MED16: variants seen among roughly 807,000 people sequenced by gnomAD.
The protein encoded by MED16 is mediator of RNA polymerase II transcription subunit 16.
In MED16, 81 loss-of-function variants were observed where a neutral mutation model predicts 84.4. That is an observed-to-expected ratio of 0.96 (90% confidence interval 0.80 to 1.15). The LOEUF (loss-of-function observed/expected upper bound fraction) is 1.15. MED16 is among the 50% of genes most tolerant of loss of function. The probability of loss-of-function intolerance (pLI) is 0.00; values close to 1 mark genes in which losing one functional copy is unlikely to be tolerated. For synonymous variants in MED16, 897 were observed against 552.2 expected, an observed-to-expected ratio of 1.62 and a Z score of -8.76; for missense variants, 1,585 against 1,245.9, an observed-to-expected ratio of 1.27 and a Z score of -4.10.
At chr19:871,524 C>G (rs1270503896) in intron 12 of MED16, 8 of 1,563,418 alleles carry the variant, frequency 5.1e-6, no homozygotes, top group Non-Finnish European at 5.2e-6. Context: ...TGTGCCTTTT[C>G]CAGACACTGG....
chr19:891,277 G>A, intron 1 of MED16, 128 bp from the exon 2 acceptor site: 1 of 917,652 alleles, frequency 1.1e-6, no homozygotes, highest in Non-Finnish European at 1.6e-6. Flanking sequence ...AAGGCCCGGA[G>A]GCCAGACAGA....
chr19:873,331 G>C, intron 11 of MED16, 118 bp downstream of exon 11: 1 of 321,826 alleles, frequency 3.1e-6, no homozygotes, highest in Non-Finnish European at 4.3e-6. Flanking sequence ...AAGTAGGGGC[G>C]GGACTCCAAC....
intron 14 of MED16, 79 bp downstream of exon 14, chr19:868,784 C>T (rs1174204610): frequency 2.7e-5 from 38 of 1,425,310 alleles, no homozygotes; most frequent in South Asian, 1.4e-4. Context: ...CCGTCTGGAG[C>T]GCTGGGTGGG....
intron 10 of MED16, among the ~76,000 whole-genome samples, chr19:875,025 G>A (rs879559716): frequency 4.8e-4 from 73 of 152,142 alleles, no homozygotes; most frequent in African/African-American, 1.7e-3. Flanking sequence ...TCAGCCGGGC[G>A]TGGTGGCACG....
At chr19:873,366 G>T in intron 11 of MED16, 83 bp downstream of exon 11, 1 of 1,430,120 alleles carries the variant, frequency 7.0e-7, no homozygotes, top group Non-Finnish European at 9.5e-7. Context: ...AGGTGGTTTT[G>T]AGGGGCAGGG....
At chr19:887,620 C>T (rs772577711) in intron 4 of MED16, among the ~76,000 whole-genome samples, 1 of 151,934 alleles carries the variant, frequency 6.6e-6, no homozygotes, top group Non-Finnish European at 1.5e-5. Flanking sequence ...GAGCCGAGAT[C>T]GCACCACTGC....
rs138267754 is a variant in MED16, at chr19:890,638, G to A, written c.169+325C>T. On this transcript the variant is annotated intron_variant, in intron 2 of 15. Coordinates refer to ENST00000325464, the MANE Select transcript of MED16 (RefSeq NM_005481.3). ...GAGAGAAGACGGGCACAGCCACCAC[G>A]CACCTTTCAAAAACCAGTGACACAC... Among the ~76,000 whole-genome samples, 32 of 152,296 alleles carry A rather than the reference G, an allele frequency of 2.1e-4. 1 individual carries two copies. In the East Asian group the frequency reaches 5.6e-3, roughly 27 times the overall value.
rs975686018 is a variant in MED16, at chr19:880,042, C to G, written c.1248G>C (p.Glu416Asp). ...CGGTGCGGGGGCGCTTCATGGCCGG[C>G]TCATCCACAGGCCTCGGGGCCGCGG... ...YSSAAPRPVD[E>D]PAMKRPRTAG... The change falls in exon 8 of 16, where the codon GAG becomes GAC. Residue 416 changes from glutamate (E) to aspartate (D), a missense_variant. Transcript: ENST00000325464. The G allele has an allele frequency of 3.1e-6, 5 of 1,610,918 alleles. No homozygotes were observed. Among genetic ancestry groups the G allele is most frequent in the African/African-American group, 2.7e-5 (2 of 74,910 alleles).
chr19:890,916 G>C (rs771268138), intron 2 of MED16, 47 bp downstream of exon 2: 3 of 1,593,920 alleles, frequency 1.9e-6, no homozygotes, highest in Non-Finnish European at 2.6e-6. Context: ...GGAACAGGGC[G>C]GGACACCATG....
At chr19:873,197 G>A (rs1336486642) in intron 11 of MED16, 2 of 557,826 alleles carry the variant, frequency 3.6e-6, no homozygotes, top group Non-Finnish European at 6.1e-6. Context: ...GGGCTAGGAA[G>A]TGGGGGTTTA....
intron 11 of MED16, 81 bp from the exon 12 acceptor site, chr19:872,199 C>G (rs1203145420): frequency 7.9e-7 from 1 of 1,266,098 alleles, no homozygotes; most frequent in South Asian, 1.4e-5. Context: ...GTCGGTGGAA[C>G]CCCGACCGGG....
chr19:872,368 C>T (rs562998150), intron 11 of MED16, among the ~76,000 whole-genome samples: 1 of 152,000 alleles, frequency 6.6e-6, no homozygotes, highest in Non-Finnish European at 1.5e-5. Flanking sequence ...AAGACTAAGA[C>T]GAGGCTCTGG....
chr19:877,182 T>C lies in MED16; in HGVS notation c.1354-2A>G. The C allele has an allele frequency of 6.2e-7, 1 of 1,606,308 alleles. No homozygotes were observed. Among genetic ancestry groups the C allele is most frequent in the Non-Finnish European group, 8.5e-7 (1 of 1,177,798 alleles). On this transcript the variant is annotated splice_acceptor_variant, in intron 8 of 15. Transcript: ENST00000325464. LOFTEE classifies it high-confidence loss of function. ...AGGTGAGAGGCGGAGCACGCTCAGCTGCCAGAGACAGAGCCCAAGGAGAGC... is the reference window on the plus strand; with the variant it reads ...AGGTGAGAGGCGGAGCACGCTCAGCCGCCAGAGACAGAGCCCAAGGAGAGC...
chr19:877,717 C>CAGCCCCACG (rs2036286928), intron 8 of MED16, among the ~76,000 whole-genome samples: 1 of 138,938 alleles, frequency 7.2e-6, no homozygotes, highest in African/African-American at 2.7e-5. Flanking sequence ...CCACCAGCCC[C>CAGCCCCACG]TGCCCCACGT....
At position 868,405 on chromosome 19, in the gene MED16, G is replaced by A; in HGVS notation, c.2483+11C>T. ...TAGCTGAGGGGCACCCGCCACCAGAGCCCACCGCACAGGCAGTTCTTGATC... is the reference window on the plus strand; with the variant it reads ...TAGCTGAGGGGCACCCGCCACCAGAACCCACCGCACAGGCAGTTCTTGATC... On this transcript the variant is annotated intron_variant, in intron 15 of 15. Transcript: ENST00000325464. The A allele has an allele frequency of 6.2e-7, 1 of 1,609,046 alleles. No homozygotes were observed. The highest frequency in any genetic ancestry group is 8.5e-7 in the Non-Finnish European group (1 of 1,179,822).
At chr19:890,376 G>A (rs2145257993) in intron 2 of MED16, 132 bp from the exon 3 acceptor site, 2 of 613,804 alleles carry the variant, frequency 3.3e-6, no homozygotes, top group Admixed American at 3.2e-5. Context: ...TGTCAGCCGA[G>A]TCGACAGCTC....
intron 8 of MED16, among the ~76,000 whole-genome samples, chr19:879,126 AGCC>A (rs2036347027): frequency 3.5e-4 from 24 of 67,950 alleles, no homozygotes; most frequent in Middle Eastern, 0.015. Flanking sequence ...AATACCCCCC[AGCC>A]CCAGCCCCAG....
chr19:880,449 A>G (rs1422257526), intron 7 of MED16, among the ~76,000 whole-genome samples: 2 of 152,144 alleles, frequency 1.3e-5, no homozygotes, highest in African/African-American at 2.4e-5. Flanking sequence ...GGAGGGGGGC[A>G]CTACAGGTGG....
intron 7 of MED16, 98 bp downstream of exon 7, chr19:881,461 T>G (rs367975481): frequency 1.4e-6 from 2 of 1,407,844 alleles, no homozygotes; most frequent in African/African-American, 2.8e-5. Context: ...GCCCACGTCC[T>G]CTGGTGTGAG....
Sources: allele counts gnomAD v4.1 joint callset (sites outside exome capture counted in the v4.1 genomes callset), GRCh38; gene constraint gnomAD v4.1.1; transcripts MANE v1.5; gene names NCBI Gene and HGNC (gene_info 2026-07-23, HGNC 2026-07-21).